The following RNF4 variants were observed in gnomAD, a reference collection of about 807,000 sequenced individuals.
RNF4 encodes E3 ubiquitin-protein ligase RNF4.
In RNF4, 7 loss-of-function variants were observed where a neutral mutation model predicts 24.3. That is an observed-to-expected ratio of 0.29 (90% CI 0.16 to 0.54). The LOEUF is 0.54. RNF4 is among the 20% of genes least tolerant of loss of function. The pLI is 0.95. For missense variants in RNF4, 209 were observed against 248.5 expected (o/e 0.84, Z 1.07); for synonymous variants, 83 against 84.3 (o/e 0.98, Z 0.09).
At position 2,514,078 on chromosome 4, in the gene RNF4, A is replaced by T. The variant is rs1028430076; in HGVS notation, c.*259A>T. 4.6e-6 allele frequency: 2 copies of T among 435,220 alleles called. No homozygotes were observed. The highest frequency in any genetic ancestry group is 1.9e-5 in the African/African-American group (1 of 51,310). The allele number at this position is 435,220 out of a possible 1,614,324, so 27.0% of individuals were successfully genotyped here. On this transcript the variant is annotated 3_prime_UTR_variant, in exon 8 of 8. Transcript: ENST00000314289. ...GAGTGGGAGAAAGGGAGTCAGGCGC[A>T]TTGGGAATCGTGGTTCCAGTCTGGT...
At chr4:2,507,533 C>CA (rs1410448159) in intron 4 of RNF4, among the ~76,000 whole-genome samples, 1 of 152,114 alleles carries the variant, frequency 6.6e-6, no homozygotes, top group Non-Finnish European at 1.5e-5. Flanking sequence ...TCCAGTGGAG[C>CA]AATGTGCAGT....
rs561101810 is a variant in RNF4 at position 2,495,587 on chromosome 4, A to G, written c.10-1420A>G. Among the ~76,000 whole-genome samples the G allele has an allele frequency of 5.5e-5, 8 of 146,416 alleles. No homozygotes were observed. The East Asian group carries it at 1.7e-3, about 30-fold the overall frequency. On this transcript the variant is annotated intron_variant, in intron 2 of 7. Coordinates refer to ENST00000314289, the MANE Select transcript of RNF4 (RefSeq NM_002938.5). ...AGGGCACAGGGAGAAGAGCACGGAA[A>G]CACCAGTGGGAATACAAGGTGACAG...
intron 1 of RNF4, among the ~76,000 whole-genome samples, chr4:2,482,129 T>G (rs925264710): frequency 6.6e-6 from 1 of 152,200 alleles, no homozygotes; most frequent in African/African-American, 2.4e-5. Context: ...ATGTCTCTCT[T>G]TAGGAGCCCG....
chr4:2,502,776 G>A (rs1418130469), intron 4 of RNF4, among the ~76,000 whole-genome samples: 4 of 150,816 alleles, frequency 2.7e-5, no homozygotes, highest in Admixed American at 6.6e-5. Flanking sequence ...CCCAGGAGGC[G>A]GAGGTTGCAG....
chr4:2,499,120 C>T (rs891449224), intron 3 of RNF4, among the ~76,000 whole-genome samples: 13 of 151,974 alleles, frequency 8.6e-5, no homozygotes, highest in African/African-American at 2.7e-4. Flanking sequence ...TCACTTGCAC[C>T]TGGGAGGCAG....
At chr4:2,497,703 C>T (rs770010339) in intron 3 of RNF4, among the ~76,000 whole-genome samples, 6 of 152,194 alleles carry the variant, frequency 3.9e-5, no homozygotes, top group South Asian at 2.1e-4. Flanking sequence ...GGTGCAGTCT[C>T]GGCTCACTGC....
intron 3 of RNF4, among the ~76,000 whole-genome samples, chr4:2,499,066 G>A (rs531290807): frequency 2.0e-5 from 3 of 151,640 alleles, no homozygotes; most frequent in East Asian, 2.0e-4. Context: ...GCGTGGTGGC[G>A]GGCGCCTGTA....
intron 1 of RNF4, chr4:2,470,929 G>A (rs1734884850): frequency 6.9e-6 from 1 of 145,108 alleles, no homozygotes; most frequent in South Asian, 2.2e-4. Flanking sequence ...TGTGTCTCTT[G>A]TGTCACGTTT....
chr4:2,494,391 T>A (rs1460527118), intron 2 of RNF4, among the ~76,000 whole-genome samples: 2 of 148,978 alleles, frequency 1.3e-5, no homozygotes, highest in East Asian at 3.9e-4. Flanking sequence ...TTTTTTTTTT[T>A]TTGGAGACAG....
intron 1 of RNF4, among the ~76,000 whole-genome samples, chr4:2,489,553 G>T (rs530146074): frequency 2.6e-5 from 4 of 152,316 alleles, no homozygotes; most frequent in South Asian, 2.1e-4. Flanking sequence ...AGCCCTCTGT[G>T]GGGGAGCCTG....
At chr4:2,471,617 C>T (rs1734912495) in intron 1 of RNF4, among the ~76,000 whole-genome samples, 2 of 152,164 alleles carry the variant, frequency 1.3e-5, no homozygotes, top group South Asian at 4.1e-4. Flanking sequence ...GACAGTTAGC[C>T]AAGTTGTGAA....
At chr4:2,491,951 C>G (rs1184044248) in intron 2 of RNF4, among the ~76,000 whole-genome samples, 1 of 151,492 alleles carries the variant, frequency 6.6e-6, no homozygotes, top group Non-Finnish European at 1.5e-5. Context: ...GTAATCCCAG[C>G]ACTTTGGGAG....
intron 4 of RNF4, among the ~76,000 whole-genome samples, chr4:2,507,312 A>G (rs1322261012): frequency 6.6e-6 from 1 of 152,170 alleles, no homozygotes; most frequent in East Asian, 1.9e-4. Flanking sequence ...AATTCCATAG[A>G]AAGAAAGAAG....
chr4:2,504,524 TTTTATTTATTTATTTATTTA>T (rs148529651), intron 4 of RNF4, among the ~76,000 whole-genome samples: 2 of 140,814 alleles, frequency 1.4e-5, no homozygotes, highest in African/African-American at 5.2e-5. Flanking sequence ...GTTTTATAGC[TTTTATTTATTTATTTATTTA>T]TTTATTTATT....
At chr4:2,493,988 G>A (rs1377815434) in intron 2 of RNF4, among the ~76,000 whole-genome samples, 2 of 151,690 alleles carry the variant, frequency 1.3e-5, no homozygotes, top group Non-Finnish European at 2.9e-5. Context: ...GACTACAGGT[G>A]CATGCCACCA....
chr4:2,492,813 T>A (rs1482614365), intron 2 of RNF4, among the ~76,000 whole-genome samples: 1 of 152,200 alleles, frequency 6.6e-6, no homozygotes, highest in Non-Finnish European at 1.5e-5. Flanking sequence ...CAGGTTACCA[T>A]GTAGCTCACC....
In RNF4 at chr4:2,499,141, G is replaced by T. The variant is rs947317347; in HGVS notation, c.125-1518G>T. Among the ~76,000 whole-genome samples the T allele has an allele frequency of 2.6e-5, 4 of 152,062 alleles. 1 individual carries two copies. Among genetic ancestry groups the T allele is most frequent in the Non-Finnish European group, 5.9e-5 (4 of 68,028 alleles). ...GCACCTGGGAGGCAGAGGTTGCAGT[G>T]AGCCGAGATCGTGCCACTGCACTCC... On this transcript the variant is annotated intron_variant, in intron 3 of 7. Coordinates refer to ENST00000314289, the MANE Select transcript of RNF4 (RefSeq NM_002938.5).
At chr4:2,485,144 T>G (rs1735368057) in intron 1 of RNF4, among the ~76,000 whole-genome samples, 1 of 152,184 alleles carries the variant, frequency 6.6e-6, no homozygotes, top group Non-Finnish European at 1.5e-5. Context: ...ACAGCCCGGC[T>G]TGATCCTCAG....
chr4:2,497,284 T>A, intron 3 of RNF4, 163 bp downstream of exon 3: 1 of 543,436 alleles, frequency 1.8e-6, no homozygotes, highest in Non-Finnish European at 3.3e-6. Flanking sequence ...AAATAGCTTC[T>A]CAACTGGGCT....
Sources: gnomAD v4.1 joint callset for allele counts (sites outside exome capture counted in the v4.1 genomes callset) on GRCh38, gnomAD v4.1.1 for gene constraint, MANE v1.5 for transcripts, NCBI Gene and HGNC (gene_info 2026-07-23, HGNC 2026-07-21) for gene names.